Variants in EXO1 observed in about 807,000 individuals in gnomAD.
The protein encoded by EXO1 is exonuclease 1.
A neutral mutation model predicts 84.5 loss-of-function variants in EXO1; 69 were observed. The ratio of observed to expected loss-of-function variants is 0.82; its 90% CI spans 0.67 to 1.00. The LOEUF is 1.00. Among genes scored for constraint, EXO1 ranks in the 50% least tolerant of loss-of-function variants. EXO1 has a pLI of 0.00. For synonymous variants in EXO1, 373 were observed against 366.1 expected, an observed-to-expected ratio of 1.02 and a Z score of -0.21; for missense variants, 1,045 against 1,000.7, an observed-to-expected ratio of 1.04 and a Z score of -0.60.
intron 12 of EXO1, among the ~76,000 whole-genome samples, chr1:241,877,027 G>A (rs1438255314): frequency 6.6e-6 from 1 of 152,222 alleles, no homozygotes; most frequent in Non-Finnish European, 1.5e-5. Flanking sequence ...ATATGTGCAA[G>A]CATTCATTAC....
At chr1:241,883,845 T>G (rs1263857746) in intron 14 of EXO1, among the ~76,000 whole-genome samples, 1 of 152,188 alleles carries the variant, frequency 6.6e-6, no homozygotes, top group Non-Finnish European at 1.5e-5. Flanking sequence ...TTTACAATGA[T>G]GGATAGAACT....
At chr1:241,863,403 C>A (rs1661508555) in intron 10 of EXO1, among the ~76,000 whole-genome samples, 2 of 119,848 alleles carry the variant, frequency 1.7e-5, no homozygotes. Context: ...TGGGTGATTC[C>A]AGGCTAAAAA....
chr1:241,863,036 T>G (rs1160137315), intron 10 of EXO1, among the ~76,000 whole-genome samples: 1 of 152,162 alleles, frequency 6.6e-6, no homozygotes, highest in Non-Finnish European at 1.5e-5. Context: ...ATGCGGTAAG[T>G]GCTACGCTAA....
chr1:241,867,029 C>T lies in EXO1; in HGVS notation c.1241C>T (p.Ser414Leu), dbSNP rs543887227. The T allele has an allele frequency of 5.6e-5, 91 of 1,613,600 alleles. 1 individual carries two copies. In the South Asian group the frequency reaches 9.8e-4, roughly 17 times the overall value. The change falls in exon 11 of 16, where the codon TCA (serine) becomes TTA (leucine). Residue 414 changes from serine (S) to leucine (L), a missense_variant. Coordinates refer to ENST00000366548, the MANE Select transcript of EXO1 (RefSeq NM_130398.4). Reference protein sequence around the residue: ...STKGLNLPRKSSIVKRPRSAE... With the variant: ...STKGLNLPRKLSIVKRPRSAE... ...AAAGGGTTAAATCTCCCAAGGAAATCATCCATTGTGAAAAGACCAAGAAGT... is the reference window on the plus strand; with the variant it reads ...AAAGGGTTAAATCTCCCAAGGAAATTATCCATTGTGAAAAGACCAAGAAGT...
chr1:241,873,396 G>A (rs145004744), intron 12 of EXO1, among the ~76,000 whole-genome samples: 35 of 152,166 alleles, frequency 2.3e-4, no homozygotes, highest in African/African-American at 7.9e-4. Context: ...TAGTACTTTC[G>A]TAATCTCTCC....
intron 11 of EXO1, among the ~76,000 whole-genome samples, chr1:241,868,584 C>T (rs1303836667): frequency 6.6e-6 from 1 of 152,160 alleles, no homozygotes; most frequent in Non-Finnish European, 1.5e-5. Flanking sequence ...GGGAGGATCG[C>T]TCGAGCCTCA....
At position 241,884,340 on chromosome 1, in the gene EXO1, A is replaced by G. The variant is rs4149990; in HGVS notation, c.2212-974A>G. Among the ~76,000 whole-genome samples the G allele has an allele frequency of 6.6e-4, 101 of 152,296 alleles. 5 individuals are homozygous for G. The South Asian group carries it at 0.021, about 31-fold the overall frequency. On this transcript the variant is annotated intron_variant, in intron 14 of 15. Transcript: ENST00000366548. ...TTTCATTCTTCCTACACACACTGCC[A>G]GATTCATATTGTAAACCTTTTTTAA...
At chr1:241,864,573 G>A (rs1032800812) in intron 10 of EXO1, among the ~76,000 whole-genome samples, 3 of 152,160 alleles carry the variant, frequency 2.0e-5, no homozygotes, top group African/African-American at 4.8e-5. Flanking sequence ...TCTCTCTTTC[G>A]TTAGTCATTC....
At chr1:241,861,868 T>G (rs1661411337) in intron 10 of EXO1, among the ~76,000 whole-genome samples, 1 of 152,212 alleles carries the variant, frequency 6.6e-6, no homozygotes, top group South Asian at 2.1e-4. Context: ...AAGCTGTTTT[T>G]TCACTCATGC....
intron 14 of EXO1, among the ~76,000 whole-genome samples, chr1:241,884,006 T>A (rs936248517): frequency 6.6e-6 from 1 of 152,226 alleles, no homozygotes; most frequent in Non-Finnish European, 1.5e-5. Flanking sequence ...CTGATACCCA[T>A]CTTTAATACC....
At chr1:241,858,760 A>T (rs1361355307) in intron 8 of EXO1, 42 bp downstream of exon 8, 1 of 1,225,530 alleles carries the variant, frequency 8.2e-7, no homozygotes, top group East Asian at 2.3e-5. Context: ...TTTCTGAAGC[A>T]TTTCCTTAAT....
At chr1:241,867,850 T>C (rs559934200) in intron 11 of EXO1, among the ~76,000 whole-genome samples, 86 of 152,262 alleles carry the variant, frequency 5.6e-4, no homozygotes, top group African/African-American at 1.9e-3. Context: ...AGCGGGGCAG[T>C]GTAAGTCTCA....
At chr1:241,882,629 C>T (rs1662839893) in intron 14 of EXO1, among the ~76,000 whole-genome samples, 1 of 152,040 alleles carries the variant, frequency 6.6e-6, no homozygotes, top group African/African-American at 2.4e-5. Context: ...ACACCATTTC[C>T]TAACTTAAAA....
chr1:241,860,478 C>T (rs1166922783), intron 8 of EXO1, 39 bp from the exon 9 acceptor site: 1 of 1,430,352 alleles, frequency 7.0e-7, no homozygotes, highest in East Asian at 2.3e-5. Context: ...GTTCCCTGTT[C>T]TTTAGTTGCA....
At chr1:241,854,983 T>C (rs1483275584) in intron 6 of EXO1, among the ~76,000 whole-genome samples, 2 of 152,116 alleles carry the variant, frequency 1.3e-5, no homozygotes, top group African/African-American at 4.8e-5. Flanking sequence ...GCGGTCTTGC[T>C]GGCTTTAGGA....
chr1:241,889,370 C>G (rs559701193), intron 15 of EXO1, 95 bp from the exon 16 acceptor site: 1 of 1,111,884 alleles, frequency 9.0e-7, no homozygotes, highest in African/African-American at 1.5e-5. Flanking sequence ...AGGGTCTTAT[C>G]CTCTTCATGT....
At position 241,852,411 on chromosome 1, in the gene EXO1, A is replaced by C. The variant is rs1283213233; in HGVS notation, c.281A>C (p.Glu94Ala). Reference sequence around the variant, plus strand: ...AAGGAAGTAGAGAGATCTAGAAGAGAGTAAGTTAATTCTCTACTTAATCTC... The same window carrying C: ...AAGGAAGTAGAGAGATCTAGAAGAGCGTAAGTTAATTCTCTACTTAATCTC... ...SKKEVERSRR[E>A]RRQANLLKGK... The change falls in exon 5 of 16, where the codon GAA becomes GCA. Residue 94 changes from glutamate to alanine, a missense_variant and splice_region_variant. Transcript: ENST00000366548. The C allele has an allele frequency of 6.3e-7, 1 of 1,597,330 alleles. No homozygotes were observed. Among genetic ancestry groups the C allele is most frequent in the African/African-American group, 1.3e-5 (1 of 74,670 alleles).
chr1:241,864,353 C>G (rs186704848), intron 10 of EXO1, among the ~76,000 whole-genome samples: 171 of 152,302 alleles, frequency 1.1e-3, no homozygotes, highest in African/African-American at 3.9e-3. Flanking sequence ...TTGGGGCAGG[C>G]CAGGAAAGGG....
rs910867571 is a variant in EXO1 at position 241,852,470 on chromosome 1, C to G, written c.281+59C>G. On this transcript the variant is annotated intron_variant, in intron 5 of 15. Coordinates refer to ENST00000366548, the MANE Select transcript of EXO1 (RefSeq NM_130398.4). ...TTGCACTAAGGTCAGACACTGTAGT[C>G]TATATGATACCAATTTTTAAAATTT... 3 of 1,472,866 alleles carry G rather than the reference C, an allele frequency of 2.0e-6. No homozygotes were observed. In the African/African-American group the frequency reaches 4.2e-5, roughly 20 times the overall value. 91.2% of individuals were successfully genotyped at this position (1,472,866 alleles called of 1,614,324 possible).
Sources: gnomAD v4.1 joint callset for allele counts (sites outside exome capture counted in the v4.1 genomes callset) on GRCh38, gnomAD v4.1.1 for gene constraint, MANE v1.5 for transcripts, NCBI Gene and HGNC (gene_info 2026-07-23, HGNC 2026-07-21) for gene names.